The following CRLS1 variants were observed in gnomAD, a reference collection of about 807,000 sequenced individuals.
CRLS1 encodes cardiolipin synthase (CMP-forming).
A neutral mutation model predicts 37.0 loss-of-function variants in CRLS1; 24 were observed. That is an observed-to-expected ratio of 0.65 (90% CI 0.47 to 0.91). The LOEUF (loss-of-function observed/expected upper bound fraction) is 0.91, where lower values mean the gene tolerates loss of function less well. Ranked by LOEUF, CRLS1 falls within the 40% of genes least tolerant of loss-of-function variation. The probability of loss-of-function intolerance (pLI) is 0.00; values close to 1 mark genes in which losing one functional copy is unlikely to be tolerated. For missense variants in CRLS1, 373 were observed against 395.8 expected (o/e 0.94, Z 0.49); for synonymous variants, 135 against 159.7 (o/e 0.85, Z 1.17).
At chr20:6,007,537 C>G in intron 1 of CRLS1, 1 of 905,582 alleles carries the variant, frequency 1.1e-6, no homozygotes, top group Non-Finnish European at 1.8e-6. Flanking sequence ...AAAAGAACTC[C>G]CTTCACTGTT....
chr20:6,015,254 C>A, intron 2 of CRLS1, 107 bp from the exon 3 acceptor site: 1 of 613,736 alleles, frequency 1.6e-6, no homozygotes, highest in South Asian at 3.4e-5. Context: ...ATTTTGTTAA[C>A]ATTTTATGAG....
Position 6,037,129 on chromosome 20 carries a change from C to G in CRLS1, c.877C>G (p.Arg293Gly). ...ASAYSYYHYG[R>G]KTVQVIKD ...AGCTTATAGTTACTATCATTATGGCCGGAAGACTGTTCAGGTGATAAAAGA... is the reference window on the plus strand; with the variant it reads ...AGCTTATAGTTACTATCATTATGGCGGGAAGACTGTTCAGGTGATAAAAGA... Residue 293 changes from arginine to glycine, a missense_variant, in exon 7 of 7, where the codon CGG (arginine) becomes GGG (glycine). Coordinates refer to ENST00000378863, the MANE Select transcript of CRLS1 (RefSeq NM_019095.6). 1.9e-6 allele frequency: 3 copies of G among 1,613,370 alleles called. No individual in the cohort carries two copies. In the South Asian group the frequency reaches 3.3e-5, roughly 18 times the overall value.
At chr20:6,018,307 G>T (rs1352591930) in intron 3 of CRLS1, among the ~76,000 whole-genome samples, 2 of 151,238 alleles carry the variant, frequency 1.3e-5, no homozygotes, top group Non-Finnish European at 2.9e-5. Context: ...GTTATGTCTA[G>T]CGAAACTTGC....
chr20:6,025,980 C>G (rs1043196894), intron 3 of CRLS1, among the ~76,000 whole-genome samples: 2 of 152,160 alleles, frequency 1.3e-5, no homozygotes, highest in Non-Finnish European at 2.9e-5. Flanking sequence ...AAAATGACAA[C>G]AGAGGATTTA....
rs934232049 is a variant in CRLS1 at position 6,006,941 on chromosome 20, T to A, written c.306+389T>A. On this transcript the variant is annotated intron_variant, in intron 1 of 6. Transcript: ENST00000378863. The stretch of plus-strand genomic sequence containing the variant: ...ATATTTAGAAAGGTATACAGGCCCT[T>A]CTGTTTGCTTGTGCAAGTTCCGTTC... The A allele has an allele frequency of 3.1e-5, 17 of 544,130 alleles. No homozygotes were observed. In the Admixed American group the frequency reaches 5.7e-4, roughly 18 times the overall value. 33.7% of individuals were successfully genotyped at this position (544,130 alleles called of 1,614,324 possible).
At chr20:6,010,579 T>C (rs2090119891) in intron 2 of CRLS1, among the ~76,000 whole-genome samples, 1 of 152,200 alleles carries the variant, frequency 6.6e-6, no homozygotes, top group South Asian at 2.1e-4. Context: ...ACTACATTGT[T>C]AGTTTTGATA....
Position 6,006,539 on chromosome 20 carries a change from G to GC in CRLS1, c.294dup (p.Thr99HisfsTer6). On this transcript the variant is annotated frameshift_variant, in exon 1 of 7. Coordinates refer to ENST00000378863, the MANE Select transcript of CRLS1 (RefSeq NM_019095.6). ...CCGGGCGGCCAGTGGGGCCCGGCGA[G>GC]CACCCCCAGCCTGGTACGTACCGAT... is the stretch of plus-strand genomic sequence containing the variant. 7.6e-7 allele frequency: 1 copy of GC among 1,321,248 alleles called. No homozygotes were observed. The allele number at this position is 1,321,248 out of a possible 1,614,324, so 81.8% of individuals were successfully genotyped here.
chr20:6,029,887 C>T (rs1045578208), intron 3 of CRLS1, among the ~76,000 whole-genome samples: 4 of 152,122 alleles, frequency 2.6e-5, no homozygotes, highest in Non-Finnish European at 5.9e-5. Flanking sequence ...TCAATATGTA[C>T]ATCATAGCTA....
intron 2 of CRLS1, 27 bp downstream of exon 2, chr20:6,009,939 G>T (rs1239113785): frequency 1.2e-6 from 2 of 1,607,310 alleles, no homozygotes; most frequent in Non-Finnish European, 1.7e-6. Context: ...CTCCCAGTTT[G>T]CTCTCCTTCC....
chr20:6,016,454 GGTGTGTGT>G (rs61011560), intron 3 of CRLS1, among the ~76,000 whole-genome samples: 6 of 114,518 alleles, frequency 5.2e-5, no homozygotes, highest in South Asian at 3.3e-4. Flanking sequence ...GGGGAATGGG[GGTGTGTGT>G]GTGTGTGTGT....
chr20:6,008,635 G>T (rs139969376), intron 1 of CRLS1, among the ~76,000 whole-genome samples: 1 of 152,150 alleles, frequency 6.6e-6, no homozygotes, highest in Admixed American at 6.5e-5. Context: ...ACAATTTCTC[G>T]ATTTCCAAAT....
At chr20:6,028,633 T>C (rs981111352) in intron 3 of CRLS1, 1 of 152,236 alleles carries the variant, frequency 6.6e-6, no homozygotes, top group African/African-American at 2.4e-5. Context: ...AACTTGTCCA[T>C]GATGTCTGGC....
chr20:6,012,198 G>GCCA (rs902152390), intron 2 of CRLS1, among the ~76,000 whole-genome samples: 9 of 152,136 alleles, frequency 5.9e-5, no homozygotes, highest in African/African-American at 2.2e-4. Flanking sequence ...CTTTCAATTG[G>GCCA]CCACTGGGAG....
At chr20:6,034,422 A>G in intron 5 of CRLS1, 42 bp from the exon 6 acceptor site, 2 of 1,369,458 alleles carry the variant, frequency 1.5e-6, no homozygotes, top group East Asian at 2.3e-5. Context: ...AATAGGATCC[A>G]GTTGGCACTA....
chr20:6,024,899 T>G (rs1253186819), intron 3 of CRLS1, among the ~76,000 whole-genome samples: 4 of 152,200 alleles, frequency 2.6e-5, no homozygotes, highest in African/African-American at 4.8e-5. Context: ...GCCCTAAGTC[T>G]CTTCCATTCC....
chr20:6,017,159 GTACTTTT>G (rs1476880285), intron 3 of CRLS1, among the ~76,000 whole-genome samples: 1 of 151,830 alleles, frequency 6.6e-6, no homozygotes, highest in Non-Finnish European at 1.5e-5. Context: ...GCTAATATTT[GTACTTTT>G]TGTAGATATA....
At chr20:6,013,817 G>A (rs1470214333) in intron 2 of CRLS1, among the ~76,000 whole-genome samples, 1 of 152,136 alleles carries the variant, frequency 6.6e-6, no homozygotes, top group Non-Finnish European at 1.5e-5. Flanking sequence ...CAGGCCCAGA[G>A]TACATGGAGA....
chr20:6,030,732 TTC>T (rs551563424), intron 3 of CRLS1, among the ~76,000 whole-genome samples: 189 of 151,508 alleles, frequency 1.2e-3, no homozygotes, highest in Non-Finnish European at 2.4e-3. Flanking sequence ...AAAAAAAAAA[TTC>T]TGTTTCTCTA....
At chr20:6,016,317 A>T (rs1700198382) in intron 3 of CRLS1, among the ~76,000 whole-genome samples, 1 of 152,188 alleles carries the variant, frequency 6.6e-6, no homozygotes, top group Admixed American at 6.5e-5. Flanking sequence ...GTCTCCCCCA[A>T]CTGGAAATTA....
Sources: gnomAD v4.1 joint callset for allele counts (sites outside exome capture counted in the v4.1 genomes callset) on GRCh38, gnomAD v4.1.1 for gene constraint, MANE v1.5 for transcripts, NCBI Gene and HGNC (gene_info 2026-07-23, HGNC 2026-07-21) for gene names.